Variants in CENPO observed in about 807,000 individuals in gnomAD.
CENPO encodes centromeric protein O.
CENPO carries 30 observed loss-of-function variants against 36.1 expected under a neutral mutation model. That is an observed-to-expected ratio of 0.83 (90% CI 0.62 to 1.13). CENPO has a LOEUF of 1.13. Ranked by LOEUF, CENPO falls within the 50% of genes most tolerant of loss-of-function variation. CENPO has a pLI of 0.00. For synonymous variants in CENPO, 171 were observed against 142.3 expected, an observed-to-expected ratio of 1.20 and a Z score of -1.44; for missense variants, 349 against 357.8, an observed-to-expected ratio of 0.98 and a Z score of 0.20.
At chr2:24,806,309 C>T (rs569802210) in intron 3 of CENPO, among the ~76,000 whole-genome samples, 3 of 152,356 alleles carry the variant, frequency 2.0e-5, no homozygotes, top group South Asian at 2.1e-4. Context: ...GGCTCACACT[C>T]GGTGTGCTGC....
intron 2 of CENPO, among the ~76,000 whole-genome samples, chr2:24,794,488 G>T (rs2891409): frequency 0.7 from 106,612 of 152,172 alleles, 38,229 homozygotes; most frequent in Admixed American, 0.79. Context: ...GAAAAGTATT[G>T]AACTCAGACT....
intron 3 of CENPO, among the ~76,000 whole-genome samples, chr2:24,805,636 A>G (rs1666366571): frequency 6.6e-6 from 1 of 152,198 alleles, no homozygotes; most frequent in Non-Finnish European, 1.5e-5. Flanking sequence ...GTTGCAGAGC[A>G]GCGAATGTTG....
intron 2 of CENPO, among the ~76,000 whole-genome samples, chr2:24,797,014 G>T (rs1362705177): frequency 6.6e-6 from 1 of 152,216 alleles, no homozygotes. Context: ...TCATCGAAAG[G>T]CTTTAGCCAG....
Position 24,819,969 on chromosome 2 carries a change from G to A in CENPO, c.*651G>A. The A allele has an allele frequency of 6.2e-7, 1 of 1,613,934 alleles. No homozygotes were observed. The highest frequency in any genetic ancestry group is 2.2e-5 in the East Asian group (1 of 44,846). The stretch of plus-strand genomic sequence containing the variant: ...CACCACCTGGTGGGGCAGTGTGACA[G>A]AGGGGCCATTGGGGAAGGTGGCTAG... On this transcript the variant is annotated 3_prime_UTR_variant, in exon 8 of 8. Transcript: ENST00000380834.
chr2:24,814,423 C>T lies in CENPO; in HGVS notation c.264C>T (p.Ile88=). The T allele has an allele frequency of 6.2e-7, 1 of 1,606,392 alleles. No homozygotes were observed. Among genetic ancestry groups the T allele is most frequent in the Non-Finnish European group, 8.5e-7 (1 of 1,173,010 alleles). ...TAGAACCCAACCAAACAGTGGAGAT[C>T]AATGAGCAAGAAGCATTGGAAGAGA... ...ANVEPNQTVE[I]NEQEALEEKL... The change falls in exon 4 of 8, where the codon ATC becomes ATT. Residue 88 remains isoleucine (I), a synonymous_variant. Coordinates refer to ENST00000380834, the MANE Select transcript of CENPO (RefSeq NM_001322101.2).
chr2:24,799,895 G>C lies in CENPO; in HGVS notation c.216+51G>C, dbSNP rs569383201. On this transcript the variant is annotated intron_variant, in intron 3 of 7. Transcript: ENST00000380834. ...TTCCTTTAGAGTATAATGAACAAAC[G>C]TGATTTGGGAATTGGTGAATTGGCC... 2.5e-6 allele frequency: 4 copies of C among 1,584,162 alleles called. No individual in the cohort carries two copies. In the East Asian group the frequency reaches 6.7e-5, roughly 27 times the overall value.
chr2:24,817,399 G>A (rs373398912), intron 6 of CENPO, among the ~76,000 whole-genome samples: 6 of 148,908 alleles, frequency 4.0e-5, no homozygotes, highest in South Asian at 2.1e-4. Context: ...ATTTCTCTGC[G>A]CAGTTAGATT....
chr2:24,793,763 A>G, intron 1 of CENPO, 89 bp from the exon 2 acceptor site: 2 of 1,080,368 alleles, frequency 1.9e-6, no homozygotes, highest in Non-Finnish European at 2.8e-6. Flanking sequence ...TCCGCGGCCC[A>G]GGGGTTGTGC....
intron 4 of CENPO, 52 bp from the exon 5 acceptor site, chr2:24,815,444 TA>T: frequency 6.6e-7 from 1 of 1,510,608 alleles, no homozygotes; most frequent in Non-Finnish European, 9.2e-7. Context: ...CACAGATGAG[TA>T]AGACATCACC....
At chr2:24,799,014 T>C (rs1186312520) in intron 2 of CENPO, among the ~76,000 whole-genome samples, 59 of 140,680 alleles carry the variant, frequency 4.2e-4, no homozygotes, top group Admixed American at 3.7e-3. Flanking sequence ...GAGACAGTCT[T>C]GCTCTGTCCC....
intron 3 of CENPO, among the ~76,000 whole-genome samples, chr2:24,801,340 C>T (rs930521762): frequency 4.6e-5 from 7 of 152,056 alleles, no homozygotes; most frequent in Admixed American, 1.3e-4. Flanking sequence ...AATTAGATCC[C>T]GTTTGTCAAT....
intron 3 of CENPO, among the ~76,000 whole-genome samples, chr2:24,805,649 G>A (rs1333374303): frequency 6.6e-6 from 1 of 152,222 alleles, no homozygotes; most frequent in Non-Finnish European, 1.5e-5. Flanking sequence ...GAATGTTGGT[G>A]AACAGCAAAT....
intron 3 of CENPO, among the ~76,000 whole-genome samples, chr2:24,802,866 T>C (rs1444675344): frequency 5.3e-5 from 8 of 152,142 alleles, no homozygotes; most frequent in African/African-American, 1.7e-4. Flanking sequence ...GAGGATTCCC[T>C]CTTTTTCTAT....
intron 2 of CENPO, among the ~76,000 whole-genome samples, chr2:24,799,467 T>A (rs1482065861): frequency 1.3e-5 from 2 of 152,156 alleles, no homozygotes; most frequent in African/African-American, 4.8e-5. Context: ...CTGTTTTACA[T>A]CACTCTCCAA....
At position 24,821,049 on chromosome 2, in the gene CENPO, C is replaced by CT; in HGVS notation, c.*1731_*1732insT. On this transcript the variant is annotated 3_prime_UTR_variant, in exon 8 of 8. Coordinates refer to ENST00000380834, the MANE Select transcript of CENPO (RefSeq NM_001322101.2). Reference sequence around the variant, plus strand: ...GTGCTTGTTAGGTGTCAGCCGCCACCCCCCCCCCATATGCAGATTTACTCG... The same window carrying CT: ...GTGCTTGTTAGGTGTCAGCCGCCACCTCCCCCCCCATATGCAGATTTACTCG... The CT allele has an allele frequency of 1.6e-6, 1 of 606,900 alleles. No homozygotes were observed. Among genetic ancestry groups the CT allele is most frequent in the Non-Finnish European group, 2.6e-6 (1 of 381,744 alleles). 37.6% of individuals were successfully genotyped at this position (606,900 alleles called of 1,614,324 possible).
chr2:24,814,364 C>G lies in CENPO; in HGVS notation c.217-12C>G. ...TCTTTGTACCAAGATTGATTTGCTG[C>G]ATATCTTGCAGGTGAAAGCATGTAT... On this transcript the variant is annotated splice_polypyrimidine_tract_variant and intron_variant, in intron 3 of 7. Transcript: ENST00000380834. 7.9e-7 allele frequency: 1 copy of G among 1,269,826 alleles called. No individual in the cohort carries two copies. Among genetic ancestry groups the G allele is most frequent in the South Asian group, 1.2e-5 (1 of 84,204 alleles). The allele number at this position is 1,269,826 out of a possible 1,614,324, so 78.7% of individuals were successfully genotyped here.
chr2:24,820,979 C>T lies in CENPO; in HGVS notation c.*1661C>T. The T allele has an allele frequency of 1.5e-6, 2 of 1,353,058 alleles. No individual in the cohort carries two copies. Among genetic ancestry groups the T allele is most frequent in the Non-Finnish European group, 2.0e-6 (2 of 988,672 alleles). 83.8% of individuals were successfully genotyped at this position (1,353,058 alleles called of 1,614,324 possible). On this transcript the variant is annotated 3_prime_UTR_variant, in exon 8 of 8. Coordinates refer to ENST00000380834, the MANE Select transcript of CENPO (RefSeq NM_001322101.2). The stretch of plus-strand genomic sequence containing the variant: ...ACATCATTGTCCTCATTCAACTTGG[C>T]TGTATGCTATTGGAGGGTGGAAATC...
At chr2:24,806,399 C>T (rs989512678) in intron 3 of CENPO, among the ~76,000 whole-genome samples, 7 of 152,166 alleles carry the variant, frequency 4.6e-5, no homozygotes, top group Admixed American at 2.6e-4. Flanking sequence ...GGAAATCACC[C>T]GTCTTCTGCG....
At position 24,822,016 on chromosome 2, in the gene CENPO, A is replaced by G. The variant is rs1667806355; in HGVS notation, c.*2698A>G. 8.8e-6 allele frequency: 2 copies of G among 226,270 alleles called. No individual in the cohort carries two copies. The allele number at this position is 226,270 out of a possible 1,614,324, so 14.0% of individuals were successfully genotyped here. A position where few individuals can be genotyped will look rare whatever the true frequency, so the allele number is the denominator to read the frequency against. Reference sequence around the variant, plus strand: ...TGACCCGCCTTGGACGTGTTTCTTTAACCTCATCCATATAATAGGGCCGTG... The same window carrying G: ...TGACCCGCCTTGGACGTGTTTCTTTGACCTCATCCATATAATAGGGCCGTG... On this transcript the variant is annotated 3_prime_UTR_variant, in exon 8 of 8. Coordinates refer to ENST00000380834, the MANE Select transcript of CENPO (RefSeq NM_001322101.2).
Sources: gnomAD v4.1 joint callset for allele counts (sites outside exome capture counted in the v4.1 genomes callset) on GRCh38, gnomAD v4.1.1 for gene constraint, MANE v1.5 for transcripts, NCBI Gene and HGNC (gene_info 2026-07-23, HGNC 2026-07-21) for gene names.